The following TYR variants were observed in gnomAD, a reference collection of about 807,000 sequenced individuals.
TYR encodes the protein tyrosinase, also known as LB24-AB.
TYR carries 58 observed loss-of-function variants against 51.5 expected under a neutral mutation model. That is an observed-to-expected ratio of 1.13 (90% confidence interval 0.91 to 1.40). TYR has a LOEUF of 1.40. Among genes scored for constraint, TYR ranks in the 40% most tolerant of loss-of-function variants. The pLI, the probability that TYR is intolerant of heterozygous loss-of-function variation, is 0.00. For synonymous variants in TYR, 263 were observed against 235.2 expected (o/e 1.12, Z -1.08); for missense variants, 732 against 647.4 (o/e 1.13, Z -1.42).
In TYR at chr11:89,215,772, T is replaced by C. The variant is rs74585501; in HGVS notation, c.1037-12051T>C. Among the ~76,000 whole-genome samples, 55 of 152,220 alleles carry C rather than the reference T, an allele frequency of 3.6e-4. No individual in the cohort carries two copies. The East Asian group carries it at 0.01, about 28-fold the overall frequency. ...TACTAAGAAATGTTTAGAAATGTCATAAGAATCCCACCATTTTTGGAGAGA... is the reference window on the plus strand; with the variant it reads ...TACTAAGAAATGTTTAGAAATGTCACAAGAATCCCACCATTTTTGGAGAGA... On this transcript the variant is annotated intron_variant, in intron 2 of 4. Coordinates refer to ENST00000263321, the MANE Select transcript of TYR (RefSeq NM_000372.5).
intron 3 of TYR, among the ~76,000 whole-genome samples, chr11:89,257,549 G>A (rs563779607): frequency 1.4e-4 from 21 of 151,894 alleles, no homozygotes; most frequent in African/African-American, 2.4e-4. Context: ...ATTAAATATC[G>A]TTGATCACAC....
intron 3 of TYR, among the ~76,000 whole-genome samples, chr11:89,266,037 T>C (rs887161581): frequency 6.6e-6 from 1 of 152,020 alleles, no homozygotes; most frequent in African/African-American, 2.4e-5. Flanking sequence ...TTTTAGCATT[T>C]GATCGATCTT....
intron 3 of TYR, among the ~76,000 whole-genome samples, chr11:89,280,976 C>T (rs916177515): frequency 6.6e-6 from 1 of 151,700 alleles, no homozygotes; most frequent in African/African-American, 2.4e-5. Flanking sequence ...TATTTCAGCT[C>T]TTTTAGCTGT....
chr11:89,181,874 A>T (rs1363395368), intron 1 of TYR, among the ~76,000 whole-genome samples: 2 of 152,198 alleles, frequency 1.3e-5, no homozygotes, highest in African/African-American at 4.8e-5. Flanking sequence ...GAAGGGGTCA[A>T]GTAACCCGCT....
rs771720319 is a variant in TYR, at chr11:89,227,830, T to C, written c.1044T>C (p.Ala348=). The stretch of plus-strand genomic sequence containing the variant: ...TTTTTTTTTAATGAACAGGATTTGC[T>C]AGTCCACTTACTGGGATAGCGGATG... ...FSFRNTLEGF[A]SPLTGIADAS... is the part of the protein sequence containing the mutation. The change falls in exon 3 of 5, where the codon GCT becomes GCC. Residue 348 remains alanine (A), a synonymous_variant. Coordinates refer to ENST00000263321, the MANE Select transcript of TYR (RefSeq NM_000372.5). 28 of 1,612,820 alleles carry C rather than the reference T, an allele frequency of 1.7e-5. No individual in the cohort carries two copies. Among genetic ancestry groups the C allele is most frequent in the Non-Finnish European group, 2.4e-5 (28 of 1,179,594 alleles).
Position 89,194,389 on chromosome 11 carries a change from C to G in TYR, c.1036+2971C>G, listed in dbSNP as rs183831145. Reference sequence around the variant, plus strand: ...ACATCTGGAGGCACATCATGACCATCTGTCTCACGTTGGTGATGTTAATCA... The same window carrying G: ...ACATCTGGAGGCACATCATGACCATGTGTCTCACGTTGGTGATGTTAATCA... On this transcript the variant is annotated intron_variant, in intron 2 of 4. Coordinates refer to ENST00000263321, the MANE Select transcript of TYR (RefSeq NM_000372.5). 2.1e-3 allele frequency among the ~76,000 whole-genome samples: 314 copies of G among 152,316 alleles called. 2 individuals are homozygous for G. The highest frequency in any genetic ancestry group is 7.3e-3 in the African/African-American group (303 of 41,578).
chr11:89,275,300 A>G (rs1375799648), intron 3 of TYR, among the ~76,000 whole-genome samples: 2 of 151,910 alleles, frequency 1.3e-5, no homozygotes, highest in Non-Finnish European at 2.9e-5. Flanking sequence ...GGAACAAAAC[A>G]TGAAAGCCTT....
chr11:89,275,969 T>C (rs1022537408), intron 3 of TYR, among the ~76,000 whole-genome samples: 2 of 151,916 alleles, frequency 1.3e-5, no homozygotes, highest in Non-Finnish European at 2.9e-5. Context: ...TTTAACAATA[T>C]ATTAAGAGTT....
chr11:89,218,508 G>A (rs1943864794), intron 2 of TYR, among the ~76,000 whole-genome samples: 1 of 152,070 alleles, frequency 6.6e-6, no homozygotes, highest in Non-Finnish European at 1.5e-5. Flanking sequence ...TTTTATGGAT[G>A]ATCTGATATC....
Position 89,225,809 on chromosome 11 carries a change from T to C in TYR, c.1037-2014T>C, listed in dbSNP as rs921738865. On this transcript the variant is annotated intron_variant, in intron 2 of 4. Coordinates refer to ENST00000263321, the MANE Select transcript of TYR (RefSeq NM_000372.5). ...TAGGAAAATTATAGTTAACAACAAT[T>C]TATTCTATTGTATATTTTTAAATAG... 2.0e-5 allele frequency among the ~76,000 whole-genome samples: 3 copies of C among 151,886 alleles called. No individual in the cohort carries two copies. The South Asian group carries it at 6.2e-4, about 31-fold the overall frequency.
At chr11:89,284,156 C>T (rs561785016) in intron 3 of TYR, among the ~76,000 whole-genome samples, 12 of 151,818 alleles carry the variant, frequency 7.9e-5, no homozygotes, top group South Asian at 2.1e-4. Flanking sequence ...TCTCCTGTTT[C>T]GAAGTCATGA....
In TYR at chr11:89,240,949, C is replaced by T. The variant is rs548174219; in HGVS notation, c.1184+12979C>T. On this transcript the variant is annotated intron_variant, in intron 3 of 4. Coordinates refer to ENST00000263321, the MANE Select transcript of TYR (RefSeq NM_000372.5). The stretch of plus-strand genomic sequence containing the variant: ...TTTGTAAAAACAAACAAACAAAAAA[C>T]TTTCTGGCGTGGATATGGGGTTGAA... Among the ~76,000 whole-genome samples the T allele has an allele frequency of 4.6e-5, 7 of 152,224 alleles. No individual in the cohort carries two copies. In the East Asian group the frequency reaches 1.3e-3, roughly 29 times the overall value.
At chr11:89,287,042 A>T (rs960285612) in intron 4 of TYR, among the ~76,000 whole-genome samples, 5 of 151,824 alleles carry the variant, frequency 3.3e-5, no homozygotes, top group Admixed American at 6.6e-5. Flanking sequence ...AAACTCTCAG[A>T]TATAAAAATC....
chr11:89,265,250 T>C (rs944217432), intron 3 of TYR, among the ~76,000 whole-genome samples: 1 of 151,910 alleles, frequency 6.6e-6, no homozygotes, highest in African/African-American at 2.4e-5. Flanking sequence ...GATATATAAG[T>C]GGGTAGGGGA....
intron 3 of TYR, among the ~76,000 whole-genome samples, chr11:89,238,931 C>G (rs1023114834): frequency 6.6e-6 from 1 of 152,108 alleles, no homozygotes; most frequent in Admixed American, 6.6e-5. Context: ...GATAATCCCT[C>G]TTGATGATAG....
chr11:89,183,910 T>A (rs1943333458), intron 1 of TYR, among the ~76,000 whole-genome samples: 1 of 152,150 alleles, frequency 6.6e-6, no homozygotes, highest in Admixed American at 6.6e-5. Context: ...AAGTGCTTTA[T>A]ACATGTTAGA....
intron 3 of TYR, among the ~76,000 whole-genome samples, chr11:89,240,840 T>C (rs1944183329): frequency 6.6e-6 from 1 of 152,168 alleles, no homozygotes; most frequent in East Asian, 1.9e-4. Context: ...AAGTTACAAA[T>C]AGAGAAGTTC....
At chr11:89,284,655 T>A in intron 3 of TYR, 118 bp from the exon 4 acceptor site, 1 of 898,630 alleles carries the variant, frequency 1.1e-6, no homozygotes, top group South Asian at 1.5e-5. Flanking sequence ...AAAGAATATA[T>A]TCAACATCTT....
chr11:89,203,069 A>G (rs536687402), intron 2 of TYR, among the ~76,000 whole-genome samples: 2 of 152,356 alleles, frequency 1.3e-5, no homozygotes, highest in South Asian at 4.1e-4. Flanking sequence ...AAAGTAATAG[A>G]TACTTGCATT....
Sources: gnomAD v4.1 joint callset for allele counts (sites outside exome capture counted in the v4.1 genomes callset) on GRCh38, gnomAD v4.1.1 for gene constraint, MANE v1.5 for transcripts, NCBI Gene and HGNC (gene_info 2026-07-23, HGNC 2026-07-21) for gene names.